DKK2: variants seen among roughly 807,000 people sequenced by gnomAD.
DKK2 encodes the protein dickkopf Wnt signaling pathway inhibitor 2, also known as dickkopf-related protein 2.
DKK2 carries 11 observed loss-of-function variants against 28.1 expected under a neutral mutation model. The ratio of observed to expected loss-of-function variants is 0.39; its 90% CI spans 0.25 to 0.65. The LOEUF is 0.65. DKK2 is among the 30% of genes least tolerant of loss of function. The pLI is 0.47. For missense variants in DKK2, 326 were observed against 335.5 expected (o/e 0.97, Z 0.22); for synonymous variants, 135 against 126.5 (o/e 1.07, Z -0.45).
chr4:107,004,776 T>C (rs1723412676), intron 1 of DKK2, among the ~76,000 whole-genome samples: 1 of 152,190 alleles, frequency 6.6e-6, no homozygotes, highest in South Asian at 2.1e-4. Flanking sequence ...TTACAGAATT[T>C]AATCACAAGG....
At chr4:106,990,672 G>GCT (rs1238267903) in intron 1 of DKK2, among the ~76,000 whole-genome samples, 4 of 152,042 alleles carry the variant, frequency 2.6e-5, no homozygotes, top group African/African-American at 9.7e-5. Context: ...TGCAGAATGT[G>GCT]CTCTCTCCAA....
chr4:106,941,637 A>C (rs1724700504), intron 1 of DKK2, among the ~76,000 whole-genome samples: 1 of 152,156 alleles, frequency 6.6e-6, no homozygotes, highest in Non-Finnish European at 1.5e-5. Context: ...TCTAATCGTC[A>C]CTGGGTTCCA....
intron 1 of DKK2, among the ~76,000 whole-genome samples, chr4:107,022,914 C>T (rs559712599): frequency 4.6e-5 from 7 of 152,064 alleles, no homozygotes; most frequent in African/African-American, 1.7e-4. Context: ...GGTGGCGATG[C>T]TAATGGCCTT....
intron 1 of DKK2, among the ~76,000 whole-genome samples, chr4:106,951,272 A>G (rs955736086): frequency 4.6e-5 from 7 of 152,238 alleles, no homozygotes; most frequent in Non-Finnish European, 2.9e-5. Context: ...TAGTATGAAG[A>G]TTTCTCAAAA....
chr4:107,034,443 G>A (rs948525695), intron 1 of DKK2, among the ~76,000 whole-genome samples: 1 of 151,108 alleles, frequency 6.6e-6, no homozygotes, highest in Non-Finnish European at 1.5e-5. Flanking sequence ...TGGCCACAGC[G>A]CGCCAGCCAC....
At chr4:106,986,082 C>T (rs1376501925) in intron 1 of DKK2, among the ~76,000 whole-genome samples, 1 of 152,106 alleles carries the variant, frequency 6.6e-6, no homozygotes, top group Non-Finnish European at 1.5e-5. Flanking sequence ...CAATTTAATG[C>T]CCACAGTGTG....
intron 1 of DKK2, among the ~76,000 whole-genome samples, chr4:106,939,652 T>G (rs1290025586): frequency 1.3e-5 from 2 of 152,106 alleles, no homozygotes; most frequent in Non-Finnish European, 2.9e-5. Flanking sequence ...CATCGCCAAG[T>G]CAATCCTAAG....
chr4:107,016,073 G>T (rs1364773862), intron 1 of DKK2, among the ~76,000 whole-genome samples: 1 of 151,672 alleles, frequency 6.6e-6, no homozygotes, highest in Non-Finnish European at 1.5e-5. Context: ...AACAAATAAG[G>T]CCTGCTCTTC....
chr4:106,957,383 C>T (rs1380403328), intron 1 of DKK2, among the ~76,000 whole-genome samples: 15 of 151,922 alleles, frequency 9.9e-5, no homozygotes, highest in Admixed American at 2.0e-4. Flanking sequence ...TACCATTTGA[C>T]CCAGCCATCC....
At chr4:107,010,984 T>TA (rs1213625590) in intron 1 of DKK2, among the ~76,000 whole-genome samples, 3 of 151,498 alleles carry the variant, frequency 2.0e-5, no homozygotes, top group Non-Finnish European at 3.0e-5. Flanking sequence ...ATGTCTCACT[T>TA]AATAGAAGGC....
At chr4:106,970,598 G>A (rs1722856318) in intron 1 of DKK2, among the ~76,000 whole-genome samples, 1 of 152,028 alleles carries the variant, frequency 6.6e-6, no homozygotes, top group Admixed American at 6.6e-5. Context: ...CCTCTCAAAT[G>A]ATTGACTCAA....
intron 1 of DKK2, among the ~76,000 whole-genome samples, chr4:106,978,561 A>C (rs1055664396): frequency 2.0e-4 from 31 of 152,120 alleles, no homozygotes; most frequent in African/African-American, 7.5e-4. Context: ...CCACCTACTC[A>C]AGCCTCAGTA....
chr4:107,022,225 G>A (rs1723707383), intron 1 of DKK2, among the ~76,000 whole-genome samples: 1 of 152,054 alleles, frequency 6.6e-6, no homozygotes, highest in African/African-American at 2.4e-5. Flanking sequence ...ATTTCAACTA[G>A]ATGCTTCAAG....
intron 1 of DKK2, among the ~76,000 whole-genome samples, chr4:107,005,630 G>A (rs946790739): frequency 3.3e-5 from 5 of 152,006 alleles, no homozygotes; most frequent in African/African-American, 9.7e-5. Flanking sequence ...AGCTCCCCAC[G>A]AGTCCCATTT....
intron 3 of DKK2, 69 bp downstream of exon 3, chr4:106,924,476 A>C (rs1724396063): frequency 6.6e-7 from 1 of 1,526,112 alleles, no homozygotes; most frequent in Non-Finnish European, 8.8e-7. Flanking sequence ...AAACCAATGG[A>C]ATTAATTATC....
chr4:106,943,346 A>G (rs1211181351), intron 1 of DKK2, among the ~76,000 whole-genome samples: 2 of 152,144 alleles, frequency 1.3e-5, no homozygotes, highest in Admixed American at 6.6e-5. Context: ...ATAATTTACC[A>G]TTCCACAATT....
At chr4:106,975,532 G>A (rs1393324420) in intron 1 of DKK2, among the ~76,000 whole-genome samples, 1 of 152,130 alleles carries the variant, frequency 6.6e-6, no homozygotes, top group African/African-American at 2.4e-5. Flanking sequence ...TTGCCTAGAG[G>A]TGTTAAAGTA....
rs546941397 is a variant in DKK2 at position 107,003,658 on chromosome 4, C to T, written c.222+31712G>A. Among the ~76,000 whole-genome samples, 15 of 152,316 alleles carry T rather than the reference C, an allele frequency of 9.8e-5. No individual in the cohort carries two copies. In the South Asian group the frequency reaches 3.1e-3, roughly 32 times the overall value. ...TGGCTCCTCAGCCAAGCATATACACCAGATGTCTGAACTTGCAGATTCTTT... is the reference window on the plus strand; with the variant it reads ...TGGCTCCTCAGCCAAGCATATACACTAGATGTCTGAACTTGCAGATTCTTT... On this transcript the variant is annotated intron_variant, in intron 1 of 3. Transcript: ENST00000285311.
chr4:107,005,516 A>G lies in DKK2; in HGVS notation c.222+29854T>C, dbSNP rs115984126. On this transcript the variant is annotated intron_variant, in intron 1 of 3. Transcript: ENST00000285311. ...CTGCTTCTTCCTTCTTGATGCCTTTAACACAGTCCTCCCCAAATAAATGTG... is the reference window on the plus strand; with the variant it reads ...CTGCTTCTTCCTTCTTGATGCCTTTGACACAGTCCTCCCCAAATAAATGTG... Among the ~76,000 whole-genome samples the G allele has an allele frequency of 4.7e-3, 710 of 152,200 alleles. 4 individuals carry two copies. Among genetic ancestry groups the G allele is most frequent in the African/African-American group, 0.016 (683 of 41,524 alleles).
Sources: gnomAD v4.1 joint callset for allele counts (sites outside exome capture counted in the v4.1 genomes callset) on GRCh38, gnomAD v4.1.1 for gene constraint, MANE v1.5 for transcripts, NCBI Gene and HGNC (gene_info 2026-07-23, HGNC 2026-07-21) for gene names.